The following PEAK1 variants were observed in gnomAD, a reference collection of about 807,000 sequenced individuals.
PEAK1 encodes pseudopodium enriched atypical kinase 1.
In PEAK1, 54 loss-of-function variants were observed where a neutral mutation model predicts 124.7. The observed-to-expected ratio is 0.43, with a 90% CI of 0.35 to 0.54. The LOEUF is 0.54. Ranked by LOEUF, PEAK1 falls within the 20% of genes least tolerant of loss-of-function variation. The pLI, the probability that PEAK1 is intolerant of heterozygous loss-of-function variation, is 0.01. For missense variants in PEAK1, 2,046 were observed against 2,134.5 expected, an observed-to-expected ratio of 0.96 and a Z score of 0.82; for synonymous variants, 719 against 760.0, an observed-to-expected ratio of 0.95 and a Z score of 0.89.
chr15:77,410,844 T>A (rs1367700065), intron 1 of PEAK1, among the ~76,000 whole-genome samples: 1 of 152,142 alleles, frequency 6.6e-6, no homozygotes, highest in African/African-American at 2.4e-5. Flanking sequence ...CTGCCCCCTA[T>A]CCTACAAAGT....
chr15:77,275,743 A>T (rs1034233607), intron 5 of PEAK1, among the ~76,000 whole-genome samples: 4 of 151,746 alleles, frequency 2.6e-5, no homozygotes, highest in Non-Finnish European at 4.4e-5. Flanking sequence ...AAAAAAATTT[A>T]AAAAAAGGAA....
intron 6 of PEAK1, among the ~76,000 whole-genome samples, chr15:77,193,216 T>C (rs1359178216): frequency 6.6e-6 from 1 of 152,244 alleles, no homozygotes; most frequent in East Asian, 1.9e-4. Flanking sequence ...TCTATGGATA[T>C]AGTTATCTGG....
At chr15:77,152,624 T>C (rs901072214) in intron 8 of PEAK1, among the ~76,000 whole-genome samples, 1 of 152,110 alleles carries the variant, frequency 6.6e-6, no homozygotes, top group Admixed American at 6.5e-5. Flanking sequence ...TGGCTGTGGG[T>C]TTGTCATAGA....
intron 6 of PEAK1, among the ~76,000 whole-genome samples, chr15:77,247,260 T>C (rs1351471762): frequency 1.3e-5 from 2 of 152,138 alleles, no homozygotes; most frequent in Non-Finnish European, 2.9e-5. Flanking sequence ...TATGACTACC[T>C]TGTCTTGTTC....
intron 1 of PEAK1, among the ~76,000 whole-genome samples, chr15:77,382,121 CTCTA>C (rs1199734043): frequency 3.3e-5 from 5 of 152,240 alleles, no homozygotes; most frequent in East Asian, 1.9e-4. Flanking sequence ...CCTCCCTCCT[CTCTA>C]TCTATCTCTA....
intron 6 of PEAK1, among the ~76,000 whole-genome samples, chr15:77,240,723 C>T (rs2060319760): frequency 6.6e-6 from 1 of 152,080 alleles, no homozygotes; most frequent in African/African-American, 2.4e-5. Flanking sequence ...GACAACACCA[C>T]CTTCATTTAG....
At chr15:77,159,145 T>C (rs148909998) in intron 7 of PEAK1, among the ~76,000 whole-genome samples, 10 of 152,290 alleles carry the variant, frequency 6.6e-5, no homozygotes, top group Non-Finnish European at 1.5e-4. Context: ...GTACACACTT[T>C]AGTGTGTACT....
At chr15:77,333,221 G>T in intron 2 of PEAK1, 1 of 907,882 alleles carries the variant, frequency 1.1e-6, no homozygotes, top group Non-Finnish European at 1.3e-6. Context: ...CTAGGCTCAA[G>T]CCATCCTCCT....
chr15:77,164,196 T>G (rs2055902384), intron 7 of PEAK1, among the ~76,000 whole-genome samples: 1 of 152,264 alleles, frequency 6.6e-6, no homozygotes, highest in Admixed American at 6.5e-5. Flanking sequence ...ATCATTGACA[T>G]TCTCAGATAG....
chr15:77,332,573 C>T (rs1164808581), intron 2 of PEAK1, among the ~76,000 whole-genome samples: 1 of 151,814 alleles, frequency 6.6e-6, no homozygotes, highest in African/African-American at 2.4e-5. Flanking sequence ...GCACTCCAGG[C>T]TGGGCAACAG....
intron 1 of PEAK1, chr15:77,370,817 G>A: frequency 1.2e-6 from 1 of 827,520 alleles, no homozygotes; most frequent in Non-Finnish European, 1.5e-6. Flanking sequence ...GGATAATGAG[G>A]TCAGGAGTTC....
intron 6 of PEAK1, among the ~76,000 whole-genome samples, chr15:77,213,559 G>A (rs1293164401): frequency 1.3e-5 from 2 of 152,020 alleles, no homozygotes; most frequent in East Asian, 3.9e-4. Flanking sequence ...TGTGGTAGCA[G>A]TTGCCTGTAA....
chr15:77,127,058 A>G (rs1024318372), intron 9 of PEAK1, among the ~76,000 whole-genome samples: 1 of 152,230 alleles, frequency 6.6e-6, no homozygotes, highest in Admixed American at 6.5e-5. Context: ...AAAAGAGATC[A>G]TAAGAGTGGG....
intron 2 of PEAK1, among the ~76,000 whole-genome samples, chr15:77,313,712 GTGTGTGTGTGTGTGTA>G (rs1567245091): frequency 2.1e-5 from 2 of 97,410 alleles, no homozygotes; most frequent in African/African-American, 7.6e-5. Flanking sequence ...ATATGTATGT[GTGTGTGTGTGTGTGTA>G]TATATATATA....
Position 77,350,751 on chromosome 15 carries a change from G to A in PEAK1, c.-603+14412C>T, listed in dbSNP as rs545804817. 2.1e-5 allele frequency: 21 copies of A among 983,824 alleles called. No homozygotes were observed. The East Asian group carries it at 1.6e-3, about 74-fold the overall frequency. The allele number at this position is 983,824 out of a possible 1,614,324, so 60.9% of individuals were successfully genotyped here. ...AATGATCATGCTGAAGCACCTTATG[G>A]ATTAATAAAGACAGATCAATTCTGT... On this transcript the variant is annotated intron_variant, in intron 2 of 9. Coordinates refer to ENST00000682557, the MANE Select transcript of PEAK1 (RefSeq NM_001385026.1).
At chr15:77,153,837 G>A (rs879760041) in intron 8 of PEAK1, among the ~76,000 whole-genome samples, 5 of 152,144 alleles carry the variant, frequency 3.3e-5, no homozygotes, top group Admixed American at 2.6e-4. Context: ...TGATTGCACC[G>A]TGGCCTGAGA....
rs1039568730 is a variant in PEAK1, at chr15:77,179,477, G to C, written c.2450C>G (p.Pro817Arg). ...KSTPKSTPVR[P>R]KSLFTSQPSG... The stretch of plus-strand genomic sequence containing the variant: ...AGGCTGAGATGTAAAGAGAGATTTG[G>C]GCCGGACTGGCGTACTCTTAGGTGT... Residue 817 changes from proline (P) to arginine (R), a missense_variant, in exon 7 of 10, where the codon CCC becomes CGC. Pro to Arg is a moderately radical substitution (Grantham distance 103). Coordinates refer to ENST00000682557, the MANE Select transcript of PEAK1 (RefSeq NM_001385026.1). The C allele has an allele frequency of 3.7e-6, 6 of 1,613,954 alleles. No homozygotes were observed. Among genetic ancestry groups the C allele is most frequent in the South Asian group, 2.2e-5 (2 of 91,084 alleles).
At chr15:77,297,371 A>C (rs2152986700) in intron 2 of PEAK1, among the ~76,000 whole-genome samples, 1 of 151,932 alleles carries the variant, frequency 6.6e-6, no homozygotes, top group East Asian at 1.9e-4. Flanking sequence ...GTGTTGGCAA[A>C]GTATACGCTA....
rs887997866 is a variant in PEAK1 at position 77,346,925 on chromosome 15, G to C, written c.-603+18238C>G. ...CCAATTAGTGATCTGGTACTAAGAG[G>C]AAAACAAAACGCAGCCATGTAATAA... On this transcript the variant is annotated intron_variant, in intron 2 of 9. Coordinates refer to ENST00000682557, the MANE Select transcript of PEAK1 (RefSeq NM_001385026.1). The C allele has an allele frequency of 7.6e-5, 23 of 302,656 alleles. 1 individual carries two copies. In the Admixed American group the frequency reaches 1.1e-3, roughly 14 times the overall value. 18.7% of individuals were successfully genotyped at this position (302,656 alleles called of 1,614,324 possible).
Sources: allele counts gnomAD v4.1 joint callset (sites outside exome capture counted in the v4.1 genomes callset), GRCh38; gene constraint gnomAD v4.1.1; transcripts MANE v1.5; gene names NCBI Gene and HGNC (gene_info 2026-07-23, HGNC 2026-07-21).